CNTN1: variants seen among roughly 807,000 people sequenced by gnomAD.
CNTN1 encodes contactin 1.
Under a neutral mutation model 126.4 loss-of-function variants are expected in CNTN1, and 38 were observed. That is an observed-to-expected ratio of 0.30 (90% CI 0.23 to 0.39). The LOEUF is 0.39. Ranked by LOEUF, CNTN1 falls within the 10% of genes least tolerant of loss-of-function variation. CNTN1 has a pLI of 1.00. For synonymous variants in CNTN1, 413 were observed against 422.6 expected, an observed-to-expected ratio of 0.98 and a Z score of 0.28; for missense variants, 1,009 against 1,248.4, an observed-to-expected ratio of 0.81 and a Z score of 2.89.
chr12:40,741,459 A>G (rs1937940765), intron 1 of CNTN1, among the ~76,000 whole-genome samples: 1 of 152,086 alleles, frequency 6.6e-6, no homozygotes, highest in South Asian at 2.1e-4. Flanking sequence ...TACACCACAA[A>G]AAGAAATAAA....
chr12:40,928,629 A>G (rs1286939380), intron 6 of CNTN1, among the ~76,000 whole-genome samples: 1 of 152,118 alleles, frequency 6.6e-6, no homozygotes, highest in East Asian at 1.9e-4. Context: ...GTTGAAAACC[A>G]AAAGAATATA....
intron 1 of CNTN1, among the ~76,000 whole-genome samples, chr12:40,905,427 T>C (rs1944774470): frequency 2.6e-5 from 4 of 152,202 alleles, no homozygotes; most frequent in Non-Finnish European, 5.9e-5. Flanking sequence ...TCTTTTTCTC[T>C]CTGGTCAGTG....
chr12:41,057,238 T>A (rs1241479939), intron 23 of CNTN1, among the ~76,000 whole-genome samples: 1 of 146,400 alleles, frequency 6.8e-6, no homozygotes, highest in African/African-American at 2.5e-5. Flanking sequence ...TATAAATATT[T>A]AGATATTATT....
At chr12:40,994,321 C>T (rs1389936364) in intron 17 of CNTN1, among the ~76,000 whole-genome samples, 2 of 151,934 alleles carry the variant, frequency 1.3e-5, no homozygotes, top group Non-Finnish European at 2.9e-5. Context: ...CAAGAAATCA[C>T]AGAAAATTAA....
chr12:40,973,130 T>G (rs990791001), intron 15 of CNTN1, among the ~76,000 whole-genome samples: 1 of 152,112 alleles, frequency 6.6e-6, no homozygotes, highest in East Asian at 1.9e-4. Context: ...TTATCTTCCT[T>G]TAGTCTTGTT....
rs574566197 is a variant in CNTN1 at position 40,929,660 on chromosome 12, G to T, written c.497-136G>T. ...ACATGTTTAAAAGTGTGCACTGTTT[G>T]TCTTGGCTTTCTCCTAACATTTGCT... On this transcript the variant is annotated intron_variant, in intron 6 of 23. Coordinates refer to ENST00000551295, the MANE Select transcript of CNTN1 (RefSeq NM_001843.4). The T allele has an allele frequency of 1.6e-5, 11 of 692,964 alleles. No individual in the cohort carries two copies. The African/African-American group carries it at 1.6e-4, about 10-fold the overall frequency. 42.9% of individuals were successfully genotyped at this position (692,964 alleles called of 1,614,324 possible). A position where few individuals can be genotyped will look rare whatever the true frequency, so the allele number is the denominator to read the frequency against.
intron 14 of CNTN1, among the ~76,000 whole-genome samples, chr12:40,946,573 TTTTTTGGTAGCTATTACAGTTAACA>T (rs1480816354): frequency 6.6e-6 from 1 of 152,090 alleles, no homozygotes; most frequent in African/African-American, 2.4e-5. Flanking sequence ...GATGTAAATG[TTTTTTGGTAGCTATTACAGTTAACA>T]AAACCAACAT....
chr12:40,995,541 C>T (rs1948192036), intron 17 of CNTN1, among the ~76,000 whole-genome samples: 1 of 152,126 alleles, frequency 6.6e-6, no homozygotes, highest in African/African-American at 2.4e-5. Context: ...TTTAAACCAA[C>T]TTATTTTTGT....
chr12:40,911,075 T>A (rs574928242), intron 3 of CNTN1, among the ~76,000 whole-genome samples: 34 of 152,272 alleles, frequency 2.2e-4, no homozygotes, highest in African/African-American at 7.2e-4. Flanking sequence ...AGGCACTTTT[T>A]AATTTATTTA....
chr12:40,834,404 T>A (rs1262081160), intron 1 of CNTN1, among the ~76,000 whole-genome samples: 3 of 152,128 alleles, frequency 2.0e-5, no homozygotes, highest in Non-Finnish European at 2.9e-5. Flanking sequence ...AGTGGCAAAT[T>A]GATGGCTTAG....
At chr12:40,864,392 G>A (rs2136652596) in intron 1 of CNTN1, among the ~76,000 whole-genome samples, 1 of 152,044 alleles carries the variant, frequency 6.6e-6, no homozygotes, top group Non-Finnish European at 1.5e-5. Context: ...CATTTAAAGT[G>A]TACAATTCAC....
At chr12:40,809,179 GT>G (rs1231902136) in intron 1 of CNTN1, among the ~76,000 whole-genome samples, 1 of 152,074 alleles carries the variant, frequency 6.6e-6, no homozygotes, top group Non-Finnish European at 1.5e-5. Context: ...TAAAATATTA[GT>G]TGTATTTTCA....
At chr12:40,795,897 A>G (rs1002266175) in intron 1 of CNTN1, among the ~76,000 whole-genome samples, 2 of 152,118 alleles carry the variant, frequency 1.3e-5, no homozygotes, top group Admixed American at 1.3e-4. Context: ...TCAATGCAAC[A>G]TTCCTATGAG....
intron 15 of CNTN1, chr12:40,971,600 C>T: frequency 6.6e-7 from 1 of 1,521,750 alleles, no homozygotes; most frequent in African/African-American, 1.4e-5. Flanking sequence ...GTAGCTTCTG[C>T]AGTTCTCCCC....
intron 3 of CNTN1, among the ~76,000 whole-genome samples, chr12:40,910,554 G>T (rs569342723): frequency 6.6e-6 from 1 of 152,224 alleles, no homozygotes; most frequent in South Asian, 2.1e-4. Context: ...AATCCTTCCA[G>T]TTTAGAGCCT....
intron 17 of CNTN1, among the ~76,000 whole-genome samples, chr12:40,993,707 T>C (rs1948148251): frequency 6.6e-6 from 1 of 152,200 alleles, no homozygotes; most frequent in Non-Finnish European, 1.5e-5. Context: ...TATAACTGAA[T>C]GGCCAAGTCG....
intron 1 of CNTN1, among the ~76,000 whole-genome samples, chr12:40,701,568 TA>T (rs1292903504): frequency 6.6e-6 from 1 of 152,200 alleles, no homozygotes; most frequent in African/African-American, 2.4e-5. Flanking sequence ...TTATCTCAGA[TA>T]AAACTTTCCT....
chr12:40,770,243 A>G (rs1276449087), intron 1 of CNTN1, among the ~76,000 whole-genome samples: 1 of 152,082 alleles, frequency 6.6e-6, no homozygotes, highest in East Asian at 1.9e-4. Context: ...TTGTAACCTC[A>G]GTTATTCTGG....
intron 1 of CNTN1, among the ~76,000 whole-genome samples, chr12:40,866,713 T>G (rs1943310702): frequency 6.6e-6 from 1 of 152,200 alleles, no homozygotes; most frequent in Non-Finnish European, 1.5e-5. Flanking sequence ...TTCAGTTTGC[T>G]AATATTTTGT....
Sources: allele counts gnomAD v4.1 joint callset (sites outside exome capture counted in the v4.1 genomes callset), GRCh38; gene constraint gnomAD v4.1.1; transcripts MANE v1.5; gene names NCBI Gene and HGNC (gene_info 2026-07-23, HGNC 2026-07-21).